GRM8: variants seen among roughly 807,000 people sequenced by gnomAD.
GRM8 encodes glutamate metabotropic receptor 8.
Under a neutral mutation model 87.2 loss-of-function variants are expected in GRM8, and 47 were observed. That is an observed-to-expected ratio of 0.54 (90% CI 0.43 to 0.69). GRM8 has a LOEUF of 0.69. GRM8 is among the 30% of genes least tolerant of loss of function. The pLI is 0.00. For synonymous variants in GRM8, 396 were observed against 404.5 expected (o/e 0.98, Z 0.25); for missense variants, 1,019 against 1,139.2 (o/e 0.89, Z 1.52).
chr7:127,029,929 C>T (rs1817193081), intron 3 of GRM8, among the ~76,000 whole-genome samples: 1 of 152,076 alleles, frequency 6.6e-6, no homozygotes, highest in Non-Finnish European at 1.5e-5. Context: ...CCCCCAACCT[C>T]ACCATACAAC....
intron 7 of GRM8, among the ~76,000 whole-genome samples, chr7:126,681,963 A>G (rs1807646435): frequency 6.6e-6 from 1 of 152,154 alleles, no homozygotes; most frequent in Non-Finnish European, 1.5e-5. Flanking sequence ...GTTTTACTTG[A>G]ATTTGATGAG....
chr7:126,523,532 T>G (rs919914334), intron 9 of GRM8, among the ~76,000 whole-genome samples: 2 of 151,446 alleles, frequency 1.3e-5, no homozygotes, highest in African/African-American at 4.9e-5. Flanking sequence ...AGTCTCACTC[T>G]GTCACCCAGG....
intron 2 of GRM8, among the ~76,000 whole-genome samples, chr7:127,133,392 T>C (rs1827789641): frequency 6.6e-6 from 1 of 151,832 alleles, no homozygotes; most frequent in African/African-American, 2.4e-5. Flanking sequence ...CACACCAGCC[T>C]GGGCAACACA....
At chr7:127,080,194 TAA>T (rs1054369228) in intron 3 of GRM8, among the ~76,000 whole-genome samples, 13 of 151,616 alleles carry the variant, frequency 8.6e-5, no homozygotes, top group Admixed American at 3.3e-4. Flanking sequence ...AAGGTCATCA[TAA>T]AAAAAAGACT....
intron 7 of GRM8, among the ~76,000 whole-genome samples, chr7:126,716,188 C>G (rs1292585233): frequency 6.6e-6 from 1 of 151,596 alleles, no homozygotes; most frequent in Non-Finnish European, 1.5e-5. Flanking sequence ...TTTTTTTTCT[C>G]TCTCTAAAAT....
chr7:126,642,512 C>T lies in GRM8; in HGVS notation c.1358-33014G>A, dbSNP rs140299370. The stretch of plus-strand genomic sequence containing the variant: ...AACATTAGCCGGGAGTGCTGGCGGA[C>T]GCCTGTAGTCCCAGCTACTTGGGAG... On this transcript the variant is annotated intron_variant, in intron 7 of 10. Transcript: ENST00000339582. 1.8e-3 allele frequency among the ~76,000 whole-genome samples: 269 copies of T among 152,030 alleles called. 3 individuals carry two copies. In the East Asian group the frequency reaches 0.032, roughly 18 times the overall value.
Position 127,252,903 on chromosome 7 carries a change from C to A in GRM8, c.-418G>T. 4.8e-6 allele frequency: 1 copy of A among 209,182 alleles called. No homozygotes were observed. Among genetic ancestry groups the A allele is most frequent in the Non-Finnish European group, 9.2e-6 (1 of 108,460 alleles). 13.0% of individuals were successfully genotyped at this position (209,182 alleles called of 1,614,324 possible). A position where few individuals can be genotyped will look rare whatever the true frequency, so the allele number is the denominator to read the frequency against. On this transcript the variant is annotated 5_prime_UTR_variant, in exon 1 of 11. Transcript: ENST00000339582. The surrounding 1 kb of genome is among the most constrained non-coding windows in gnomAD (Gnocchi z 4.9). ...CGCCGCGTGAGGCGAGCACAGCGGC[C>A]GCACTTGTGGCTGATCTCTGGGCTG...
At chr7:126,757,560 T>A in intron 7 of GRM8, among the ~76,000 whole-genome samples, 1 of 152,210 alleles carries the variant, frequency 6.6e-6, no homozygotes, top group East Asian at 1.9e-4. Context: ...CTATTTGAAT[T>A]ACTTTTTTAA....
At position 126,816,192 on chromosome 7, in the gene GRM8, C is replaced by T. The variant is rs575114291; in HGVS notation, c.1157-46127G>A. On this transcript the variant is annotated intron_variant, in intron 6 of 10. Coordinates refer to ENST00000339582, the MANE Select transcript of GRM8 (RefSeq NM_000845.3). The stretch of plus-strand genomic sequence containing the variant: ...CATCCCAAACCAAACACGTAAGATG[C>T]CCCACTTCCAGATGGCTTACCTCCA... Among the ~76,000 whole-genome samples the T allele has an allele frequency of 2.3e-4, 35 of 152,148 alleles. No homozygotes were observed. In the South Asian group the frequency reaches 7.0e-3, roughly 31 times the overall value.
intron 6 of GRM8, among the ~76,000 whole-genome samples, chr7:126,771,843 G>T (rs1420522835): frequency 1.3e-5 from 2 of 152,034 alleles, no homozygotes; most frequent in Non-Finnish European, 2.9e-5. Flanking sequence ...AGACAGGGAA[G>T]ATTACTTCTC....
At chr7:126,605,987 C>T (rs1449880787) in intron 8 of GRM8, among the ~76,000 whole-genome samples, 1 of 152,188 alleles carries the variant, frequency 6.6e-6, no homozygotes, top group Non-Finnish European at 1.5e-5. Context: ...GTCTCAACAC[C>T]TTTTAACAGA....
At chr7:126,579,071 A>C (rs1795371962) in intron 8 of GRM8, among the ~76,000 whole-genome samples, 1 of 152,182 alleles carries the variant, frequency 6.6e-6, no homozygotes, top group Non-Finnish European at 1.5e-5. Context: ...GTAGAGGTAA[A>C]GGATTCTACT....
intron 3 of GRM8, among the ~76,000 whole-genome samples, chr7:127,009,081 T>C (rs1814619871): frequency 6.6e-6 from 1 of 152,210 alleles, no homozygotes; most frequent in South Asian, 2.1e-4. Context: ...CAGTTTTTTT[T>C]TTTTCCATCC....
intron 7 of GRM8, among the ~76,000 whole-genome samples, chr7:126,696,568 A>G (rs1408058128): frequency 6.6e-6 from 1 of 152,056 alleles, no homozygotes; most frequent in Non-Finnish European, 1.5e-5. Flanking sequence ...AGGAACTATT[A>G]CTGAGAGAGA....
At chr7:126,658,925 A>G (rs2151273425) in intron 7 of GRM8, among the ~76,000 whole-genome samples, 1 of 152,156 alleles carries the variant, frequency 6.6e-6, no homozygotes, top group Admixed American at 6.5e-5. Context: ...AAAGAGTCAC[A>G]GAGGCCGCAG....
intron 8 of GRM8, among the ~76,000 whole-genome samples, chr7:126,542,507 G>A (rs1419082403): frequency 6.6e-6 from 1 of 152,194 alleles, no homozygotes; most frequent in Non-Finnish European, 1.5e-5. Context: ...TCTCAGGGGA[G>A]GTGAGACTGC....
At chr7:126,540,946 A>C (rs1194657667) in intron 8 of GRM8, among the ~76,000 whole-genome samples, 1 of 152,236 alleles carries the variant, frequency 6.6e-6, no homozygotes, top group Non-Finnish European at 1.5e-5. Flanking sequence ...TTATTTAAAA[A>C]ATGTGGAGAC....
intron 2 of GRM8, among the ~76,000 whole-genome samples, chr7:127,110,626 A>G (rs928379804): frequency 2.0e-5 from 3 of 152,022 alleles, no homozygotes; most frequent in South Asian, 2.1e-4. Flanking sequence ...TTAAAAAAAA[A>G]TTGTTTTGGA....
chr7:126,485,388 G>T (rs1452993213), intron 9 of GRM8, among the ~76,000 whole-genome samples: 1 of 151,754 alleles, frequency 6.6e-6, no homozygotes, highest in Non-Finnish European at 1.5e-5. Context: ...GGCATGAAAG[G>T]CTTTCCAGGG....
Sources: allele counts gnomAD v4.1 joint callset (sites outside exome capture counted in the v4.1 genomes callset), GRCh38; gene constraint gnomAD v4.1.1; non-coding constraint Gnocchi (gnomAD v3.1); transcripts MANE v1.5; gene names NCBI Gene and HGNC (gene_info 2026-07-23, HGNC 2026-07-21).